The following CDH12 variants were observed in gnomAD, a reference collection of about 807,000 sequenced individuals.
CDH12 encodes the protein cadherin 12.
CDH12 carries 41 observed loss-of-function variants against 74.1 expected under a neutral mutation model. The observed-to-expected ratio is 0.55, with a 90% confidence interval of 0.43 to 0.72. The LOEUF (loss-of-function observed/expected upper bound fraction) is 0.72, where lower values mean the gene tolerates loss of function less well. Among genes scored for constraint, CDH12 ranks in the 30% least tolerant of loss-of-function variants. The probability of loss-of-function intolerance (pLI) is 0.00; values close to 1 mark genes in which losing one functional copy is unlikely to be tolerated. For synonymous variants in CDH12, 399 were observed against 355.0 expected (o/e 1.12, Z -1.39); for missense variants, 945 against 977.2 (o/e 0.97, Z 0.44).
chr5:22,269,874 C>T (rs1365682073), intron 3 of CDH12, among the ~76,000 whole-genome samples: 1 of 152,044 alleles, frequency 6.6e-6, no homozygotes, highest in Non-Finnish European at 1.5e-5. Flanking sequence ...AGCTTGGGGC[C>T]CATTTTAGCT....
At position 21,833,036 on chromosome 5, in the gene CDH12, AAT is replaced by A. The variant is rs1457320646; in HGVS notation, c.814+9123_814+9124del. 5.3e-3 allele frequency among the ~76,000 whole-genome samples: 370 copies of A among 69,734 alleles called. 8 individuals carry two copies. The highest frequency in any genetic ancestry group is 7.9e-3 in the Non-Finnish European group (329 of 41,512). 45.7% of individuals were successfully genotyped at this position (69,734 alleles called of 152,430 possible). ...ATATATGATATAATATATAATATAT[AAT>A]ATATAATATATATTATATGTTATAT... On this transcript the variant is annotated intron_variant, in intron 8 of 14. Transcript: ENST00000382254.
intron 2 of CDH12, among the ~76,000 whole-genome samples, chr5:22,437,743 T>G (rs1179157840): frequency 6.6e-6 from 1 of 151,926 alleles, no homozygotes; most frequent in Non-Finnish European, 1.5e-5. Flanking sequence ...AAAAGGCTTT[T>G]TGTGATCACA....
intron 5 of CDH12, among the ~76,000 whole-genome samples, chr5:21,997,094 G>A (rs567589340): frequency 6.6e-5 from 10 of 151,988 alleles, no homozygotes; most frequent in African/African-American, 1.9e-4. Context: ...ATTAATAATC[G>A]TTTTCTTCTT....
At chr5:22,398,010 T>A (rs572052226) in intron 3 of CDH12, among the ~76,000 whole-genome samples, 1 of 152,182 alleles carries the variant, frequency 6.6e-6, no homozygotes, top group South Asian at 2.1e-4. Flanking sequence ...TGAAGATATA[T>A]TGTGCATTAA....
chr5:22,442,877 T>A (rs146886845), intron 2 of CDH12, among the ~76,000 whole-genome samples: 305 of 152,286 alleles, frequency 2.0e-3, no homozygotes, highest in African/African-American at 7.1e-3. Flanking sequence ...CATTGAATAA[T>A]CAGTCTAATC....
chr5:21,870,044 T>C (rs1416853309), intron 6 of CDH12, among the ~76,000 whole-genome samples: 2 of 152,128 alleles, frequency 1.3e-5, no homozygotes, highest in African/African-American at 2.4e-5. Flanking sequence ...TGATGGTTTG[T>C]TTTATCAGGG....
intron 5 of CDH12, among the ~76,000 whole-genome samples, chr5:21,987,345 A>C (rs1433970407): frequency 6.6e-6 from 1 of 152,154 alleles, no homozygotes; most frequent in Admixed American, 6.5e-5. Flanking sequence ...CTTTAAAAAT[A>C]TTTGATATAT....
intron 5 of CDH12, among the ~76,000 whole-genome samples, chr5:22,009,661 T>C (rs1265589314): frequency 2.0e-5 from 3 of 152,064 alleles, no homozygotes; most frequent in African/African-American, 7.2e-5. Flanking sequence ...ATTTTTATTT[T>C]TAATGTTATG....
chr5:21,944,704 G>A (rs753392708), intron 6 of CDH12, among the ~76,000 whole-genome samples: 3 of 152,136 alleles, frequency 2.0e-5, no homozygotes, highest in Non-Finnish European at 2.9e-5. Context: ...CAACCAAGTG[G>A]TATGAGTTGG....
At chr5:22,351,088 T>TA (rs1740337705) in intron 3 of CDH12, among the ~76,000 whole-genome samples, 1 of 152,260 alleles carries the variant, frequency 6.6e-6, no homozygotes, top group South Asian at 2.1e-4. Flanking sequence ...CACACTGGTA[T>TA]ATGATGTCTA....
At chr5:22,374,640 C>T (rs1410876027) in intron 3 of CDH12, among the ~76,000 whole-genome samples, 1 of 151,946 alleles carries the variant, frequency 6.6e-6, no homozygotes, top group East Asian at 1.9e-4. Context: ...CATAAAAAAT[C>T]ATAAGCATTT....
In CDH12 at chr5:22,212,590, C is replaced by T. The variant is rs1751605040; in HGVS notation, c.-279G>A. The stretch of plus-strand genomic sequence containing the variant: ...GATCGAAGTTTTCAATCAACACCCT[C>T]CAAGTAGCTGCATCCTGTGCTCCTT... On this transcript the variant is annotated 5_prime_UTR_variant, in exon 4 of 15. Coordinates refer to ENST00000382254, the MANE Select transcript of CDH12 (RefSeq NM_004061.5). The T allele has an allele frequency of 1.0e-6, 1 of 985,752 alleles. No homozygotes were observed. The highest frequency in any genetic ancestry group is 1.2e-6 in the Non-Finnish European group (1 of 829,848). The allele number at this position is 985,752 out of a possible 1,614,324, so 61.1% of individuals were successfully genotyped here.
chr5:22,052,224 A>G (rs760700512), intron 5 of CDH12, among the ~76,000 whole-genome samples: 5 of 152,138 alleles, frequency 3.3e-5, no homozygotes, highest in Non-Finnish European at 5.9e-5. Context: ...TTTCTCTCTT[A>G]TAATCTTGTT....
chr5:22,707,262 C>T (rs1444638694), intron 1 of CDH12, among the ~76,000 whole-genome samples: 1 of 152,118 alleles, frequency 6.6e-6, no homozygotes, highest in Admixed American at 6.5e-5. Context: ...TTTAACTGTG[C>T]TAATGTAATC....
At chr5:22,379,825 T>C (rs1316766416) in intron 3 of CDH12, among the ~76,000 whole-genome samples, 1 of 152,320 alleles carries the variant, frequency 6.6e-6, no homozygotes, top group South Asian at 2.1e-4. Context: ...GTTTCATCAG[T>C]TCACTGCAGC....
At chr5:22,731,784 G>A (rs1018100076) in intron 1 of CDH12, among the ~76,000 whole-genome samples, 1 of 151,828 alleles carries the variant, frequency 6.6e-6, no homozygotes, top group Non-Finnish European at 1.5e-5. Context: ...TTTGCAACAA[G>A]AGAATTGTTC....
chr5:22,097,729 A>G (rs1743873557), intron 4 of CDH12, among the ~76,000 whole-genome samples: 1 of 151,538 alleles, frequency 6.6e-6, no homozygotes, highest in South Asian at 2.1e-4. Flanking sequence ...ACCTAAACCC[A>G]CAAGTATAAG....
intron 1 of CDH12, among the ~76,000 whole-genome samples, chr5:22,694,810 C>T (rs755080890): frequency 3.6e-3 from 548 of 151,788 alleles, no homozygotes; most frequent in South Asian, 6.9e-3. Context: ...TACACACACA[C>T]ATATATATAC....
intron 5 of CDH12, among the ~76,000 whole-genome samples, chr5:22,061,108 C>G (rs922123657): frequency 2.0e-5 from 3 of 152,148 alleles, no homozygotes; most frequent in Non-Finnish European, 4.4e-5. Flanking sequence ...CAACAGCACT[C>G]TTTAATAATG....
Sources: allele counts gnomAD v4.1 joint callset (sites outside exome capture counted in the v4.1 genomes callset), GRCh38; gene constraint gnomAD v4.1.1; transcripts MANE v1.5; gene names NCBI Gene and HGNC (gene_info 2026-07-23, HGNC 2026-07-21).